CERCAM: variants seen among roughly 807,000 people sequenced by gnomAD.
CERCAM encodes the protein cerebral endothelial cell adhesion molecule, also known as inactive glycosyltransferase 25 family member 3.
In CERCAM, 59 loss-of-function variants were observed where a neutral mutation model predicts 66.0. The ratio of observed to expected loss-of-function variants is 0.89; its 90% confidence interval spans 0.73 to 1.11. CERCAM has a LOEUF of 1.11. CERCAM is among the 50% of genes most tolerant of loss of function. The pLI is 0.00. For synonymous variants in CERCAM, 318 were observed against 343.6 expected (o/e 0.93, Z 0.83); for missense variants, 840 against 828.3 (o/e 1.01, Z -0.17).
chr9:128,420,899 C>T lies in CERCAM; in HGVS notation c.22C>T (p.Pro8Ser). 1 of 1,344,618 alleles carries T rather than the reference C, an allele frequency of 7.4e-7. No individual in the cohort carries two copies. The highest frequency in any genetic ancestry group is 9.5e-7 in the Non-Finnish European group (1 of 1,050,388). 83.3% of individuals were successfully genotyped at this position (1,344,618 alleles called of 1,614,324 possible). Residue 8 changes from proline (P) to serine (S), a missense_variant, in exon 1 of 13, where the codon CCG becomes TCG. By Grantham distance (74) the Pro-to-Ser change is moderately conservative (BLOSUM62 -1). Coordinates refer to ENST00000372838, the MANE Select transcript of CERCAM (RefSeq NM_016174.5). This position sits in a 1 kb window ranked among gnomAD's most constrained non-coding sequence, Gnocchi z 5.0. MRAARAA[P>S]LLQLLLLLGP... ...CGCCATGCGCGCTGCCCGCGCCGCG[C>T]CGCTGCTCCAGCTGCTGCTCCTGCT...
chr9:128,435,137 G>A (rs1834078096), intron 11 of CERCAM, among the ~76,000 whole-genome samples: 1 of 152,124 alleles, frequency 6.6e-6, no homozygotes, highest in African/African-American at 2.4e-5. Context: ...GGGATTACAG[G>A]TGCCTGCCAC....
chr9:128,421,847 C>G (rs1436395058), intron 1 of CERCAM: 2 of 152,318 alleles, frequency 1.3e-5, no homozygotes, highest in Non-Finnish European at 2.9e-5. Flanking sequence ...CTGGGGAGGC[C>G]GCCCACAATT....
At chr9:128,435,938 G>T (rs566219575) in intron 12 of CERCAM, 33 bp downstream of exon 12, 2 of 1,564,080 alleles carry the variant, frequency 1.3e-6, no homozygotes, top group Non-Finnish European at 1.7e-6. Flanking sequence ...CCCCAGCCCC[G>T]TAGACCTTGG....
chr9:128,421,686 C>T (rs116874167), intron 1 of CERCAM: 3,125 of 239,598 alleles, frequency 0.013, 30 homozygotes, highest in Middle Eastern at 0.055. Flanking sequence ...TCTCTGTACC[C>T]CCAGGGCACT....
chr9:128,435,929 C>A, intron 12 of CERCAM, 24 bp downstream of exon 12: 1 of 1,582,616 alleles, frequency 6.3e-7, no homozygotes, highest in Non-Finnish European at 8.6e-7. Context: ...GGGAAGAGGC[C>A]CCAGCCCCGT....
In CERCAM at chr9:128,420,970, C is replaced by G; in HGVS notation, c.93C>G (p.Pro31=). Residue 31 remains proline, a synonymous_variant, in exon 1 of 13, where the codon CCC becomes CCG. Coordinates refer to ENST00000372838, the MANE Select transcript of CERCAM (RefSeq NM_016174.5). This position sits in a 1 kb window ranked among gnomAD's most constrained non-coding sequence, Gnocchi z 5.0. ...CGGGCGTTGCGGAGTCGCCGCTGCCCGCCGTGGTCCTTGCCATCCTGGCCC... is the reference window on the plus strand; with the variant it reads ...CGGGCGTTGCGGAGTCGCCGCTGCCGGCCGTGGTCCTTGCCATCCTGGCCC... ...EAAGVAESPL[P]AVVLAILARN... The G allele has an allele frequency of 1.4e-6, 2 of 1,467,816 alleles. No individual in the cohort carries two copies. The highest frequency in any genetic ancestry group is 1.8e-6 in the Non-Finnish European group (2 of 1,112,064). 90.9% of individuals were successfully genotyped at this position (1,467,816 alleles called of 1,614,324 possible). A position where few individuals can be genotyped will look rare whatever the true frequency, so the allele number is the denominator to read the frequency against.
chr9:128,423,278 C>G lies in CERCAM; in HGVS notation c.426+15C>G. On this transcript the variant is annotated intron_variant, in intron 3 of 12. Transcript: ENST00000372838. ...ACTATATCCTGGTGAGGAAGTCTGG[C>G]TAGAATCGGGCTTCTGAAAGGCGGT... 1 of 1,601,218 alleles carries G rather than the reference C, an allele frequency of 6.2e-7. No individual in the cohort carries two copies. The highest frequency in any genetic ancestry group is 8.6e-7 in the Non-Finnish European group (1 of 1,169,214).
At chr9:128,424,336 G>T in intron 4 of CERCAM, 64 bp downstream of exon 4, 1 of 1,612,068 alleles carries the variant, frequency 6.2e-7, no homozygotes, top group Non-Finnish European at 8.5e-7. Flanking sequence ...GGAGAGCAGA[G>T]AGCCTGAGGC....
chr9:128,436,290 G>T (rs978992318), intron 12 of CERCAM, among the ~76,000 whole-genome samples: 1 of 152,022 alleles, frequency 6.6e-6, no homozygotes, highest in African/African-American at 2.4e-5. Context: ...GCCCAGGCTG[G>T]AGTGCAGTGG....
Position 128,434,752 on chromosome 9 carries a change from C to A in CERCAM, c.1535+139C>A. 2.6e-6 allele frequency: 2 copies of A among 755,746 alleles called. No individual in the cohort carries two copies. Among genetic ancestry groups the A allele is most frequent in the Non-Finnish European group, 4.3e-6 (2 of 469,310 alleles). The allele number at this position is 755,746 out of a possible 1,614,324, so 46.8% of individuals were successfully genotyped here. ...GGCCAAGCCACTTGGCCCAGGTCAC[C>A]AAGGAGTGGCTCAGCCTAGCCTTAG... On this transcript the variant is annotated intron_variant, in intron 11 of 12. Coordinates refer to ENST00000372838, the MANE Select transcript of CERCAM (RefSeq NM_016174.5). This position sits in a 1 kb window ranked among gnomAD's most constrained non-coding sequence, Gnocchi z 4.5.
intron 5 of CERCAM, among the ~76,000 whole-genome samples, chr9:128,427,058 G>A (rs921818148): frequency 1.3e-5 from 2 of 152,178 alleles, no homozygotes; most frequent in African/African-American, 4.8e-5. Context: ...CTACATCCCG[G>A]CTCTGGGCCA....
intron 9 of CERCAM, 125 bp downstream of exon 9, chr9:128,431,428 A>G (rs1041741413): frequency 1.5e-6 from 2 of 1,307,580 alleles, no homozygotes; most frequent in East Asian, 2.4e-5. Context: ...GCAGCTTTCA[A>G]TCTCCTCTGT....
intron 3 of CERCAM, 44 bp from the exon 4 acceptor site, chr9:128,424,094 G>A: frequency 6.3e-7 from 1 of 1,596,052 alleles, no homozygotes. Flanking sequence ...TTGGGGGGCT[G>A]CAGCCCAGGC....
chr9:128,435,744 G>A lies in CERCAM; in HGVS notation c.1627G>A (p.Ala543Thr), dbSNP rs143658564. 1.5e-5 allele frequency: 24 copies of A among 1,613,348 alleles called. No homozygotes were observed. The highest frequency in any genetic ancestry group is 1.6e-4 in the Middle Eastern group (1 of 6,084). ...TGCCCCTACCCACTATGCCGGGGAC[G>A]CCGAGTGGCTCAGTGACACGGAGAC... is the stretch of plus-strand genomic sequence containing the variant. ...LAAPTHYAGD[A>T]EWLSDTETSS... Residue 543 changes from alanine to threonine, a missense_variant, in exon 12 of 13, where the codon GCC becomes ACC. By Grantham distance (58) the Ala-to-Thr change is moderately conservative. Transcript: ENST00000372838.
Position 128,424,614 on chromosome 9 carries a change from G to A in CERCAM, c.766G>A (p.Gly256Arg). The A allele has an allele frequency of 6.2e-7, 1 of 1,613,822 alleles. No individual in the cohort carries two copies. The highest frequency in any genetic ancestry group is 1.1e-5 in the South Asian group (1 of 91,076). Residue 256 changes from glycine to arginine, a missense_variant and splice_region_variant, in exon 5 of 13, where the codon GGG becomes AGG. Coordinates refer to ENST00000372838, the MANE Select transcript of CERCAM (RefSeq NM_016174.5). ...IVFAYACQAA[G>R]VSVHVCNEHR... Reference sequence around the variant, plus strand: ...CTTCGCCTATGCCTGCCAGGCTGCTGGTGAGGACCAGCCCTCCTTTAGCAT... The same window carrying A: ...CTTCGCCTATGCCTGCCAGGCTGCTAGTGAGGACCAGCCCTCCTTTAGCAT...
rs1296008975 is a variant in CERCAM, at chr9:128,434,580, A to C, written c.1502A>C (p.Glu501Ala). Reference sequence around the variant, plus strand: ...CTGCGCCGCATGCTGCCCGTGGACGAGTTCCTGCCCATCATGTTCGACCAG... The same window carrying C: ...CTGCGCCGCATGCTGCCCGTGGACGCGTTCCTGCCCATCATGTTCGACCAG... ...QPLRRMLPVD[E>A]FLPIMFDQHP... Residue 501 changes from glutamate (E) to alanine (A), a missense_variant, in exon 11 of 13, where the codon GAG becomes GCG. Physicochemically the swap from Glu to Ala is moderately radical, Grantham distance 107. Transcript: ENST00000372838. The surrounding 1 kb of genome is among the most constrained non-coding windows in gnomAD (Gnocchi z 4.5). 5.6e-6 allele frequency: 9 copies of C among 1,610,496 alleles called. No individual in the cohort carries two copies. Among genetic ancestry groups the C allele is most frequent in the Non-Finnish European group, 7.6e-6 (9 of 1,179,910 alleles).
At chr9:128,421,823 G>GC (rs1236977711) in intron 1 of CERCAM, 1 of 152,478 alleles carries the variant, frequency 6.6e-6, no homozygotes. Context: ...GGGCTGGGGG[G>GC]GTGGAGCCCT....
At position 128,434,327 on chromosome 9, in the gene CERCAM, C is replaced by A; in HGVS notation, c.1332-83C>A. On this transcript the variant is annotated intron_variant, in intron 10 of 12. Coordinates refer to ENST00000372838, the MANE Select transcript of CERCAM (RefSeq NM_016174.5). This position sits in a 1 kb window ranked among gnomAD's most constrained non-coding sequence, Gnocchi z 4.5. The stretch of plus-strand genomic sequence containing the variant: ...CCTGGCCGGCCCATCCCCTGAGAGC[C>A]TGGCCCTGTAGGAGCGGGTGTGGGA... The A allele has an allele frequency of 6.2e-7, 1 of 1,603,244 alleles. No individual in the cohort carries two copies. The highest frequency in any genetic ancestry group is 1.1e-5 in the South Asian group (1 of 90,398).
intron 9 of CERCAM, among the ~76,000 whole-genome samples, chr9:128,433,897 A>C (rs976972622): frequency 2.6e-5 from 4 of 152,220 alleles, no homozygotes; most frequent in African/African-American, 9.6e-5. Flanking sequence ...CACGGTTACC[A>C]TCATGATTCT....
Sources: gnomAD v4.1 joint callset for allele counts (sites outside exome capture counted in the v4.1 genomes callset) on GRCh38, gnomAD v4.1.1 for gene constraint, Gnocchi (gnomAD v3.1) non-coding constraint, MANE v1.5 for transcripts, NCBI Gene and HGNC (gene_info 2026-07-23, HGNC 2026-07-21) for gene names.